ANO6: variants seen among roughly 807,000 people sequenced by gnomAD.
The protein encoded by ANO6 is anoctamin 6.
In ANO6, 106 loss-of-function variants were observed where a neutral mutation model predicts 117.5. The ratio of observed to expected loss-of-function variants is 0.90; its 90% CI spans 0.77 to 1.06. The LOEUF is 1.06. ANO6 is among the 50% of genes least tolerant of loss of function. The pLI is 0.00. For synonymous variants in ANO6, 367 were observed against 385.1 expected (o/e 0.95, Z 0.55); for missense variants, 955 against 1,121.1 (o/e 0.85, Z 2.12).
At chr12:45,224,773 A>C (rs756669869) in intron 1 of ANO6, among the ~76,000 whole-genome samples, 1 of 152,144 alleles carries the variant, frequency 6.6e-6, no homozygotes, top group Non-Finnish European at 1.5e-5. Flanking sequence ...ATTGCTCTAC[A>C]TTTATTATTT....
chr12:45,405,959 A>AC (rs1163485012), intron 15 of ANO6, among the ~76,000 whole-genome samples: 1 of 151,576 alleles, frequency 6.6e-6, no homozygotes, highest in African/African-American at 2.4e-5. Context: ...AACTATACCC[A>AC]CCCCCCAAAA....
At chr12:45,277,270 A>T (rs957886966) in intron 1 of ANO6, among the ~76,000 whole-genome samples, 4 of 152,202 alleles carry the variant, frequency 2.6e-5, no homozygotes, top group African/African-American at 7.2e-5. Context: ...TAGTTTGATT[A>T]CTTTTCCTCT....
chr12:45,244,942 A>C (rs1247834785), intron 1 of ANO6, among the ~76,000 whole-genome samples: 2 of 152,246 alleles, frequency 1.3e-5, no homozygotes, highest in African/African-American at 4.8e-5. Context: ...AAAAAGGTTC[A>C]GCGGTATCCC....
At chr12:45,270,920 A>C (rs1004032084) in intron 1 of ANO6, among the ~76,000 whole-genome samples, 3 of 152,060 alleles carry the variant, frequency 2.0e-5, no homozygotes, top group African/African-American at 4.8e-5. Flanking sequence ...GGGTTTTGCT[A>C]TGTTGACCTG....
chr12:45,396,985 T>C (rs909086852), intron 12 of ANO6, among the ~76,000 whole-genome samples: 2 of 151,950 alleles, frequency 1.3e-5, no homozygotes, highest in Non-Finnish European at 2.9e-5. Context: ...AAAGCCAAAA[T>C]AGACAAATGG....
chr12:45,417,649 A>T (rs1943248560), intron 17 of ANO6, among the ~76,000 whole-genome samples: 1 of 152,218 alleles, frequency 6.6e-6, no homozygotes, highest in African/African-American at 2.4e-5. Flanking sequence ...ATGCCAGCCC[A>T]TTAGAGGACC....
intron 9 of ANO6, among the ~76,000 whole-genome samples, chr12:45,371,701 AC>A (rs1311027581): frequency 1.3e-5 from 2 of 152,112 alleles, no homozygotes; most frequent in Non-Finnish European, 2.9e-5. Flanking sequence ...CACACCAAAA[AC>A]CCATCTGTAC....
At chr12:45,306,635 T>A (rs1259492753) in intron 2 of ANO6, among the ~76,000 whole-genome samples, 1 of 152,096 alleles carries the variant, frequency 6.6e-6, no homozygotes, top group Non-Finnish European at 1.5e-5. Flanking sequence ...TTCAACCATA[T>A]GAAAACACAT....
intron 1 of ANO6, among the ~76,000 whole-genome samples, chr12:45,282,447 C>T (rs1938771001): frequency 6.6e-6 from 1 of 152,136 alleles, no homozygotes; most frequent in African/African-American, 2.4e-5. Context: ...ATGGAAGACC[C>T]TCTAAGAGAA....
At chr12:45,249,093 G>A (rs1175480036) in intron 1 of ANO6, among the ~76,000 whole-genome samples, 1 of 152,150 alleles carries the variant, frequency 6.6e-6, no homozygotes, top group Non-Finnish European at 1.5e-5. Context: ...TTTTTCTGAG[G>A]ATGAAATAAC....
chr12:45,293,073 C>A, intron 1 of ANO6: 1 of 1,267,030 alleles, frequency 7.9e-7, no homozygotes, highest in Admixed American at 2.4e-5. Flanking sequence ...TATTAGTCTG[C>A]TTTGTGTGTG....
chr12:45,416,376 A>G (rs553707491), intron 16 of ANO6, among the ~76,000 whole-genome samples: 1 of 152,324 alleles, frequency 6.6e-6, no homozygotes, highest in East Asian at 1.9e-4. Context: ...TTCTATTTCA[A>G]CACTGAGAAT....
intron 8 of ANO6, among the ~76,000 whole-genome samples, chr12:45,365,835 G>GAAGCACTTGCTCCTCAGATGACATC (rs2137501665): frequency 6.7e-6 from 1 of 149,202 alleles, no homozygotes; most frequent in Non-Finnish European, 1.5e-5. Flanking sequence ...CAGATGACAT[G>GAAGCACTTGCTCCTCAGATGACATC]AAGCACTTGC....
At chr12:45,256,577 A>G (rs1937837462) in intron 1 of ANO6, 1 of 152,214 alleles carries the variant, frequency 6.6e-6, no homozygotes, top group Non-Finnish European at 1.5e-5. Flanking sequence ...CTGACAGAGA[A>G]TATATATGGA....
At chr12:45,367,941 A>G in intron 9 of ANO6, 148 bp downstream of exon 9, 1 of 661,088 alleles carries the variant, frequency 1.5e-6, no homozygotes, top group Non-Finnish European at 2.6e-6. Context: ...ACATTAATAT[A>G]CAATGCTTTA....
intron 1 of ANO6, among the ~76,000 whole-genome samples, chr12:45,241,289 T>G (rs914967409): frequency 2.0e-5 from 3 of 152,240 alleles, no homozygotes; most frequent in African/African-American, 4.8e-5. Flanking sequence ...TCTTGCTTTA[T>G]TTCATTCATT....
chr12:45,382,979 CTT>C (rs930495492), intron 10 of ANO6, among the ~76,000 whole-genome samples: 1 of 152,102 alleles, frequency 6.6e-6, no homozygotes, highest in Non-Finnish European at 1.5e-5. Context: ...TCAGTGGACT[CTT>C]TTTTCACAAA....
chr12:45,435,774 G>T (rs1031371083), downstream of ANO6, among the ~76,000 whole-genome samples: 8 of 152,100 alleles, frequency 5.3e-5, no homozygotes, highest in Non-Finnish European at 1.0e-4. Context: ...TTTTACCTGG[G>T]TTCAAGGCAG....
At position 45,258,021 on chromosome 12, in the gene ANO6, ATAAAT is replaced by A. The variant is rs1423896950; in HGVS notation, c.70+41635_70+41639del. Among the ~76,000 whole-genome samples the A allele has an allele frequency of 2.6e-5, 4 of 152,248 alleles. No individual in the cohort carries two copies. In the East Asian group the frequency reaches 7.7e-4, roughly 29 times the overall value. ...GAAAATTGGAAAAAGTAATTCACTT[ATAAAT>A]TAAACACATGAGAATAAAGAAAAAA... On this transcript the variant is annotated intron_variant, in intron 1 of 19. Transcript: ENST00000320560.
Sources: gnomAD v4.1 joint callset for allele counts (sites outside exome capture counted in the v4.1 genomes callset) on GRCh38, gnomAD v4.1.1 for gene constraint, MANE v1.5 for transcripts, NCBI Gene and HGNC (gene_info 2026-07-23, HGNC 2026-07-21) for gene names.